Variants in PNP observed in about 807,000 individuals in gnomAD.
The protein encoded by PNP is purine nucleoside phosphorylase.
In PNP, 18 loss-of-function variants were observed where a neutral mutation model predicts 26.8. The ratio of observed to expected loss-of-function variants is 0.67; its 90% confidence interval spans 0.46 to 1.00. PNP has a LOEUF of 1.00. Among genes scored for constraint, PNP ranks in the 50% least tolerant of loss-of-function variants. The probability of loss-of-function intolerance (pLI) is 0.00; values close to 1 mark genes in which losing one functional copy is unlikely to be tolerated. For synonymous variants in PNP, 116 were observed against 124.8 expected (o/e 0.93, Z 0.47); for missense variants, 320 against 362.9 (o/e 0.88, Z 0.96).
intron 2 of PNP, chr14:20,472,985 A>G (rs1231472882): frequency 5.5e-6 from 1 of 181,204 alleles, no homozygotes; most frequent in East Asian, 1.5e-4. Context: ...ATACTTCTCT[A>G]AGGGAGATAG....
Position 20,469,421 on chromosome 14 carries a change from A to C in PNP, c.-104A>C. 1 of 1,474,208 alleles carries C rather than the reference A, an allele frequency of 6.8e-7. No homozygotes were observed. The highest frequency in any genetic ancestry group is 1.2e-5 in the South Asian group (1 of 82,494). 91.3% of individuals were successfully genotyped at this position (1,474,208 alleles called of 1,614,324 possible). On this transcript the variant is annotated 5_prime_UTR_variant, in exon 1 of 6. Transcript: ENST00000361505. ...CCAGTGAGCCAACTGTGCGAACCAG[A>C]CCCGGCAGCCTTGCTCAGTTCAGCA...
intron 5 of PNP, among the ~76,000 whole-genome samples, 183 bp downstream of exon 5, chr14:20,475,435 G>A (rs1012666206): frequency 4.6e-5 from 7 of 152,142 alleles, no homozygotes; most frequent in Admixed American, 6.5e-5. Context: ...ATCTCCCTAC[G>A]AAGCACCAAG....
chr14:20,474,118 A>G, intron 2 of PNP: 1 of 320,398 alleles, frequency 3.1e-6, no homozygotes, highest in Non-Finnish European at 6.1e-6. Context: ...AACATGTAGT[A>G]TTTAATCTTC....
intron 1 of PNP, chr14:20,469,836 G>C (rs1308699683): frequency 1.7e-6 from 1 of 591,214 alleles, no homozygotes; most frequent in Admixed American, 3.0e-5. Flanking sequence ...GTGTGTGTTA[G>C]GGGAACAAGT....
At chr14:20,474,666 G>A in intron 3 of PNP, 91 bp downstream of exon 3, 1 of 1,548,048 alleles carries the variant, frequency 6.5e-7, no homozygotes, top group Non-Finnish European at 8.9e-7. Context: ...GGGCTAGGTG[G>A]ATTTTTGGTC....
intron 2 of PNP, chr14:20,472,823 A>C: frequency 3.8e-6 from 1 of 265,420 alleles, no homozygotes; most frequent in East Asian, 8.9e-5. Flanking sequence ...TAAGATTTCT[A>C]TCTTCTTTTC....
intron 5 of PNP, 52 bp downstream of exon 5, chr14:20,475,304 TGGGAAG>T: frequency 6.6e-7 from 1 of 1,520,364 alleles, no homozygotes; most frequent in Non-Finnish European, 9.0e-7. Context: ...TTTAGCAAAA[TGGGAAG>T]GGGAAGGAGT....
chr14:20,469,504 C>A lies in PNP; in HGVS notation c.-21C>A. The A allele has an allele frequency of 1.3e-6, 2 of 1,551,038 alleles. No homozygotes were observed. The highest frequency in any genetic ancestry group is 1.7e-6 in the Non-Finnish European group (2 of 1,147,572). ...TCGGAGCACACCGGAGCAGGCTCAT[C>A]GAGAAGGCGTCTGCGAGACCATGGA... is the stretch of plus-strand genomic sequence containing the variant. On this transcript the variant is annotated 5_prime_UTR_variant, in exon 1 of 6. Transcript: ENST00000361505.
chr14:20,473,012 A>G (rs914830880), intron 2 of PNP: 51 of 162,704 alleles, frequency 3.1e-4, no homozygotes, highest in Admixed American at 2.9e-3. Flanking sequence ...CGCTGGCTCC[A>G]CTGGCCACTC....
Position 20,474,837 on chromosome 14 carries a change from C to T in PNP, c.350C>T (p.Ala117Val). The T allele has an allele frequency of 6.2e-7, 1 of 1,614,176 alleles. No individual in the cohort carries two copies. The highest frequency in any genetic ancestry group is 8.5e-7 in the Non-Finnish European group (1 of 1,180,000). Residue 117 changes from alanine (A) to valine (V), a missense_variant, in exon 4 of 6, where the codon GCA becomes GTA. Physicochemically the swap from Ala to Val is moderately conservative, Grantham distance 64 (BLOSUM62 0). Coordinates refer to ENST00000361505, the MANE Select transcript of PNP (RefSeq NM_000270.4). The stretch of plus-strand genomic sequence containing the variant: ...GACACCCTGGTAGTCACCAATGCAG[C>T]AGGAGGGCTGAACCCCAAGTTTGAG... ...GVDTLVVTNA[A>V]GGLNPKFEVG...
rs1026923679 is a variant in PNP, at chr14:20,474,480, C to A, written c.190C>A (p.His64Asn). The change falls in exon 3 of 6, where the codon CAT becomes AAT. Residue 64 changes from histidine to asparagine, a missense_variant. By Grantham distance (68) the His-to-Asn change is moderately conservative. Coordinates refer to ENST00000361505, the MANE Select transcript of PNP (RefSeq NM_000270.4). ...TTCTGTTTTGTATACAGTGCCAGGTCATGCTGGCCGACTGGTGTTTGGGTT... is the reference window on the plus strand; with the variant it reads ...TTCTGTTTTGTATACAGTGCCAGGTAATGCTGGCCGACTGGTGTTTGGGTT... ...PNFPRSTVPG[H>N]AGRLVFGFLN... 3 of 1,613,916 alleles carry A rather than the reference C, an allele frequency of 1.9e-6. No homozygotes were observed. The highest frequency in any genetic ancestry group is 2.2e-5 in the South Asian group (2 of 91,044).
chr14:20,474,661 A>G (rs770372196), intron 3 of PNP, 86 bp downstream of exon 3: 45 of 1,535,930 alleles, frequency 2.9e-5, no homozygotes, highest in South Asian at 4.5e-5. Context: ...TATCTGGGCT[A>G]GGTGGATTTT....
rs764882608 is a variant in PNP, at chr14:20,476,743, C to G, written c.*142C>G. 1.4e-5 allele frequency: 10 copies of G among 731,990 alleles called. No individual in the cohort carries two copies. The highest frequency in any genetic ancestry group is 2.2e-5 in the Non-Finnish European group (9 of 412,054). 45.3% of individuals were successfully genotyped at this position (731,990 alleles called of 1,614,324 possible). A position where few individuals can be genotyped will look rare whatever the true frequency, so the allele number is the denominator to read the frequency against. ...TCCTGTCCTTCACCTTTCCCACTTTCTTCTACCAGACCCTTCTGGTGCCAG... is the reference window on the plus strand; with the variant it reads ...TCCTGTCCTTCACCTTTCCCACTTTGTTCTACCAGACCCTTCTGGTGCCAG... On this transcript the variant is annotated 3_prime_UTR_variant, in exon 6 of 6. Transcript: ENST00000361505.
At chr14:20,472,229 C>A (rs1263209956) in intron 1 of PNP, 79 bp from the exon 2 acceptor site, 2 of 1,284,800 alleles carry the variant, frequency 1.6e-6, no homozygotes, top group Non-Finnish European at 1.1e-6. Context: ...ACCTGCCAGC[C>A]TTTTTGCACC....
chr14:20,476,300 T>C, intron 5 of PNP, 84 bp from the exon 6 acceptor site: 1 of 1,123,574 alleles, frequency 8.9e-7, no homozygotes. Flanking sequence ...AGATTTTTAA[T>C]TCTTGTTGAA....
intron 2 of PNP, chr14:20,472,793 T>G (rs1313003515): frequency 3.1e-6 from 1 of 321,902 alleles, no homozygotes; most frequent in Non-Finnish European, 5.8e-6. Context: ...CTAACTTCTG[T>G]TGGTTTATTT....
intron 1 of PNP, among the ~76,000 whole-genome samples, chr14:20,471,197 A>ATTTTTTTTTTTTTTTTTTT (rs397960222): frequency 8.8e-5 from 8 of 90,670 alleles, no homozygotes; most frequent in African/African-American, 1.4e-4. Context: ...CGCCCGGCTA[A>ATTTTTTTTTTTTTTTTTTT]TTTTTTTTTT....
rs779297442 is a variant in PNP at position 20,474,536 on chromosome 14, G to T, written c.246G>T (p.Gln82His). Reference sequence around the variant, plus strand: ...ATGGCAGGGCCTGTGTGATGATGCAGGGCAGGTTCCACATGTATGAAGGGT... The same window carrying T: ...ATGGCAGGGCCTGTGTGATGATGCATGGCAGGTTCCACATGTATGAAGGGT... ...FLNGRACVMM[Q>H]GRFHMYEGYP... Residue 82 changes from glutamine to histidine, a missense_variant, in exon 3 of 6, where the codon CAG becomes CAT. Physicochemically the swap from Gln to His is conservative, Grantham distance 24. Coordinates refer to ENST00000361505, the MANE Select transcript of PNP (RefSeq NM_000270.4). 27 of 1,614,150 alleles carry T rather than the reference G, an allele frequency of 1.7e-5. No individual in the cohort carries two copies. Among genetic ancestry groups the T allele is most frequent in the Non-Finnish European group, 2.3e-5 (27 of 1,180,024 alleles).
intron 1 of PNP, among the ~76,000 whole-genome samples, 174 bp from the exon 2 acceptor site, chr14:20,472,134 A>G (rs1350040806): frequency 3.3e-5 from 5 of 152,188 alleles, no homozygotes. Context: ...GGCTTGATTC[A>G]GAAAGAAGGG....
Sources: gnomAD v4.1 joint callset for allele counts (sites outside exome capture counted in the v4.1 genomes callset) on GRCh38, gnomAD v4.1.1 for gene constraint, MANE v1.5 for transcripts, NCBI Gene and HGNC (gene_info 2026-07-23, HGNC 2026-07-21) for gene names.